Variants in MALRD1 observed in about 807,000 individuals in gnomAD.
MALRD1 encodes MAM and LDL-receptor class A domain-containing protein 1.
In MALRD1, 247 loss-of-function variants were observed where a neutral mutation model predicts 242.1. That is an observed-to-expected ratio of 1.02 (90% CI 0.92 to 1.13). The LOEUF is 1.13. Ranked by LOEUF, MALRD1 falls within the 50% of genes most tolerant of loss-of-function variation. The pLI is 0.00. For missense variants in MALRD1, 2,989 were observed against 2,533.1 expected, an observed-to-expected ratio of 1.18 and a Z score of -3.86; for synonymous variants, 995 against 866.6, an observed-to-expected ratio of 1.15 and a Z score of -2.60.
At chr10:19,586,812 C>G (rs1397331020) in intron 33 of MALRD1, among the ~76,000 whole-genome samples, 1 of 152,242 alleles carries the variant, frequency 6.6e-6, no homozygotes, top group Non-Finnish European at 1.5e-5. Context: ...ATGGCAGGTG[C>G]CCCTCCCCCA....
rs188227635 is a variant in MALRD1 at position 19,194,392 on chromosome 10, T to G, written c.1952-9336T>G. On this transcript the variant is annotated intron_variant, in intron 14 of 39. Coordinates refer to ENST00000454679, the MANE Select transcript of MALRD1 (RefSeq NM_001142308.3). The stretch of plus-strand genomic sequence containing the variant: ...TTACAAGAGTTCCTGGTGAGACTCA[T>G]TTATCCAGTAACAACAAAACGTTCT... Among the ~76,000 whole-genome samples the G allele has an allele frequency of 1.6e-3, 246 of 152,304 alleles. 2 individuals carry two copies. Among genetic ancestry groups the G allele is most frequent in the African/African-American group, 5.5e-3 (228 of 41,566 alleles).
intron 31 of MALRD1, among the ~76,000 whole-genome samples, chr10:19,529,058 T>C (rs750840464): frequency 9.8e-5 from 15 of 152,294 alleles, no homozygotes; most frequent in African/African-American, 2.6e-4. Flanking sequence ...CCACACACTT[T>C]GGTGAATGTT....
chr10:19,248,817 A>AATGAT (rs969929694), intron 18 of MALRD1, among the ~76,000 whole-genome samples: 2 of 151,052 alleles, frequency 1.3e-5, no homozygotes, highest in African/African-American at 4.8e-5. Context: ...TTAGTATTAA[A>AATGAT]ATGATAGATT....
At chr10:19,610,364 C>T (rs1838839114) in intron 35 of MALRD1, among the ~76,000 whole-genome samples, 1 of 151,938 alleles carries the variant, frequency 6.6e-6, no homozygotes, top group Non-Finnish European at 1.5e-5. Context: ...CCAACCTCTG[C>T]CTGTCCTTTT....
Position 19,450,475 on chromosome 10 carries a change from A to G in MALRD1, c.5014A>G (p.Lys1672Glu), listed in dbSNP as rs1281974109. 3.2e-5 allele frequency: 49 copies of G among 1,548,698 alleles called. No homozygotes were observed. The highest frequency in any genetic ancestry group is 2.9e-4 in the East Asian group (12 of 40,896). The change falls in exon 29 of 40, where the codon AAA (lysine) becomes GAA (glutamate). Residue 1672 changes from lysine to glutamate, a missense_variant. Physicochemically the swap from Lys to Glu is moderately conservative, Grantham distance 56 (BLOSUM62 1). Transcript: ENST00000454679. ...AGCTGCAATTGATGATATTGAATTT[A>G]AAAACTGCACAACTGGTAAGTTTCC... ...GGAAIDDIEF[K>E]NCTTVGEISE... is the part of the protein sequence containing the mutation.
chr10:19,579,675 A>G (rs1043427075), intron 33 of MALRD1, among the ~76,000 whole-genome samples: 28 of 152,178 alleles, frequency 1.8e-4, no homozygotes, highest in Admixed American at 1.0e-3. Flanking sequence ...TATGGGGAAG[A>G]ACGTGAGTAT....
chr10:19,101,891 T>C (rs1836273585), intron 4 of MALRD1, among the ~76,000 whole-genome samples: 1 of 137,562 alleles, frequency 7.3e-6, no homozygotes, highest in East Asian at 2.1e-4. Flanking sequence ...TTTATTAATA[T>C]ATATTAATAT....
Position 19,294,470 on chromosome 10 carries a change from A to C in MALRD1, c.3419+11289A>C, listed in dbSNP as rs549279480. On this transcript the variant is annotated intron_variant, in intron 21 of 39. Coordinates refer to ENST00000454679, the MANE Select transcript of MALRD1 (RefSeq NM_001142308.3). ...ATCAAACATTTTTATTGCCTAAAAGATTCATAGATTGTATTGACTAGGCAT... is the reference window on the plus strand; with the variant it reads ...ATCAAACATTTTTATTGCCTAAAAGCTTCATAGATTGTATTGACTAGGCAT... Among the ~76,000 whole-genome samples the C allele has an allele frequency of 2.0e-5, 3 of 152,208 alleles. No homozygotes were observed. In the East Asian group the frequency reaches 5.8e-4, roughly 29 times the overall value.
At chr10:19,612,069 GATACTCTGCAGTCTC>G (rs1352749709) in intron 35 of MALRD1, among the ~76,000 whole-genome samples, 6 of 151,902 alleles carry the variant, frequency 3.9e-5, no homozygotes, top group Admixed American at 2.0e-4. Context: ...TTTGTTTTCT[GATACTCTGCAGTCTC>G]AGACACTCTT....
rs1159812369 is a variant in MALRD1 at position 19,050,110 on chromosome 10, C to T, written c.199+973C>T. On this transcript the variant is annotated intron_variant, in intron 1 of 39. Transcript: ENST00000454679. ...TTTTTTTTTTTTTTTTTTTTTGAGA[C>T]GGAGTCTCGCTCTGTCGCCCAGGCT... Among the ~76,000 whole-genome samples, 11 of 114,364 alleles carry T rather than the reference C, an allele frequency of 9.6e-5. No individual in the cohort carries two copies. In the East Asian group the frequency reaches 1.3e-3, roughly 14 times the overall value. The allele number at this position is 114,364 out of a possible 152,430, so 75.0% of individuals were successfully genotyped here. A position where few individuals can be genotyped will look rare whatever the true frequency, so the allele number is the denominator to read the frequency against.
chr10:19,704,084 T>G (rs1833746240), intron 38 of MALRD1, among the ~76,000 whole-genome samples: 1 of 151,864 alleles, frequency 6.6e-6, no homozygotes, highest in Non-Finnish European at 1.5e-5. Flanking sequence ...TCTTGAAGCA[T>G]TGTACTAATT....
intron 36 of MALRD1, among the ~76,000 whole-genome samples, chr10:19,642,310 A>G (rs946587622): frequency 2.0e-5 from 3 of 152,078 alleles, no homozygotes; most frequent in Admixed American, 2.0e-4. Context: ...GTAATTTTAA[A>G]ATTTTTCTTT....
chr10:19,543,433 C>CTTTTTTTT lies in MALRD1; in HGVS notation c.5478+12093_5478+12100dup, dbSNP rs71388849. Among the ~76,000 whole-genome samples the CTTTTTTTT allele has an allele frequency of 1.1e-3, 115 of 106,412 alleles. 2 individuals carry two copies. The highest frequency in any genetic ancestry group is 3.3e-3 in the African/African-American group (97 of 29,312). 69.8% of individuals were successfully genotyped at this position (106,412 alleles called of 152,430 possible). On this transcript the variant is annotated intron_variant, in intron 32 of 39. Coordinates refer to ENST00000454679, the MANE Select transcript of MALRD1 (RefSeq NM_001142308.3). ...TGTAAAAATCATGCCCAGCTGATTTCTTTTTTTTTTTTTTTTTTGAGAGAG... is the reference window on the plus strand; with the variant it reads ...TGTAAAAATCATGCCCAGCTGATTTCTTTTTTTTTTTTTTTTTTTTTTTTTTGAGAGAG...
rs1293812641 is a variant in MALRD1 at position 19,172,012 on chromosome 10, G to GAT, written c.1831-3189_1831-3188dup. On this transcript the variant is annotated intron_variant, in intron 13 of 39. Transcript: ENST00000454679. The stretch of plus-strand genomic sequence containing the variant: ...ATATATGTATATATCACATATATGT[G>GAT]ATATATATCATATATCACATATATG... Among the ~76,000 whole-genome samples the GAT allele has an allele frequency of 3.9e-3, 38 of 9,756 alleles. 2 individuals are homozygous for GAT. The highest frequency in any genetic ancestry group is 5.1e-3 in the Admixed American group (4 of 784). 6.4% of individuals were successfully genotyped at this position (9,756 alleles called of 152,430 possible).
At chr10:19,280,355 A>G (rs1564525348) in intron 20 of MALRD1, 132 bp downstream of exon 20, 3 of 605,962 alleles carry the variant, frequency 5.0e-6, no homozygotes, top group East Asian at 3.4e-5. Flanking sequence ...TAAATGTAAC[A>G]GTTATTCATA....
intron 32 of MALRD1, among the ~76,000 whole-genome samples, chr10:19,559,138 G>A (rs928204117): frequency 6.6e-6 from 1 of 151,862 alleles, no homozygotes; most frequent in Non-Finnish European, 1.5e-5. Flanking sequence ...AGCCGAGATA[G>A]TACCACTGCA....
intron 18 of MALRD1, among the ~76,000 whole-genome samples, chr10:19,237,918 AT>A (rs1265937489): frequency 5.2e-4 from 41 of 78,486 alleles, no homozygotes; most frequent in East Asian, 2.2e-3. Context: ...ATAGTTATAT[AT>A]AATTATATGT....
At chr10:19,175,401 G>A in intron 14 of MALRD1, 73 bp downstream of exon 14, 28 of 1,143,426 alleles carry the variant, frequency 2.4e-5, no homozygotes, top group Non-Finnish European at 2.7e-5. Context: ...AATATAAAAT[G>A]TATTAGAGTC....
At chr10:19,530,465 A>AATATATAAT (rs1375421718) in intron 31 of MALRD1, among the ~76,000 whole-genome samples, 3 of 89,540 alleles carry the variant, frequency 3.4e-5, no homozygotes, top group Non-Finnish European at 6.6e-5. Context: ...ATATAATAAT[A>AATATATAAT]AATAATTATA....
Sources: gnomAD v4.1 joint callset for allele counts (sites outside exome capture counted in the v4.1 genomes callset) on GRCh38, gnomAD v4.1.1 for gene constraint, MANE v1.5 for transcripts, NCBI Gene and HGNC (gene_info 2026-07-23, HGNC 2026-07-21) for gene names.